The following RGS7 variants were observed in gnomAD, a reference collection of about 807,000 sequenced individuals.
RGS7 encodes regulator of G protein signaling 7.
Under a neutral mutation model 81.1 loss-of-function variants are expected in RGS7, and 27 were observed. The observed-to-expected ratio is 0.33, with a 90% CI of 0.25 to 0.46. The LOEUF (loss-of-function observed/expected upper bound fraction) is 0.46, where lower values mean the gene tolerates loss of function less well. Ranked by LOEUF, RGS7 falls within the 20% of genes least tolerant of loss-of-function variation. RGS7 has a pLI of 1.00. For missense variants in RGS7, 396 were observed against 607.4 expected (o/e 0.65, Z 3.66); for synonymous variants, 208 against 207.7 (o/e 1.00, Z -0.01).
intron 3 of RGS7, among the ~76,000 whole-genome samples, chr1:241,086,461 C>T (rs564119996): frequency 1.3e-5 from 2 of 152,072 alleles, no homozygotes; most frequent in African/African-American, 2.4e-5. Flanking sequence ...GAAGTCCTTC[C>T]TATGTCCTGA....
At position 241,046,854 on chromosome 1, in the gene RGS7, T is replaced by C. The variant is rs905183513; in HGVS notation, c.175+51812A>G. Among the ~76,000 whole-genome samples the C allele has an allele frequency of 3.3e-5, 5 of 152,126 alleles. No individual in the cohort carries two copies. The East Asian group carries it at 9.7e-4, about 29-fold the overall frequency. The stretch of plus-strand genomic sequence containing the variant: ...TTCTTCAATCTGGCAATTTCCTATA[T>C]ATGAAATGTACACCAGCCAGTAGTG... On this transcript the variant is annotated intron_variant, in intron 3 of 18. Coordinates refer to ENST00000440928, the MANE Select transcript of RGS7 (RefSeq NM_001364886.1).
chr1:240,974,389 A>T (rs886433800), intron 4 of RGS7, among the ~76,000 whole-genome samples: 1 of 152,192 alleles, frequency 6.6e-6, no homozygotes, highest in Non-Finnish European at 1.5e-5. Context: ...ACGTTCTCAC[A>T]TCCATTTAAG....
At chr1:241,234,855 TA>T (rs549677236) in intron 2 of RGS7, among the ~76,000 whole-genome samples, 288 of 143,744 alleles carry the variant, frequency 2.0e-3, no homozygotes, top group East Asian at 0.017. Flanking sequence ...TAGCAAAAGT[TA>T]AAAAAAAAAA....
chr1:240,858,129 T>C (rs1024590076), intron 9 of RGS7, among the ~76,000 whole-genome samples: 3 of 152,222 alleles, frequency 2.0e-5, no homozygotes, highest in African/African-American at 7.2e-5. Flanking sequence ...TGTATGAATA[T>C]ACCATAGTTA....
intron 2 of RGS7, among the ~76,000 whole-genome samples, chr1:241,110,315 A>G (rs1394936202): frequency 1.3e-5 from 2 of 152,184 alleles, no homozygotes; most frequent in African/African-American, 4.8e-5. Flanking sequence ...CTGACAGATG[A>G]AAGGCTTCTC....
In RGS7 at chr1:241,144,898, G is replaced by T. The variant is rs1188948166; in HGVS notation, c.79-46136C>A. Among the ~76,000 whole-genome samples the T allele has an allele frequency of 6.7e-6, 1 of 148,916 alleles. No homozygotes were observed. The highest frequency in any genetic ancestry group is 2.6e-5 in the African/African-American group (1 of 38,750). On this transcript the variant is annotated intron_variant, in intron 2 of 18. Coordinates refer to ENST00000440928, the MANE Select transcript of RGS7 (RefSeq NM_001364886.1). This position sits in a 1 kb window ranked among gnomAD's most constrained non-coding sequence, Gnocchi z 4.7. ...AACGTCCCAAAGGAACAACTGATGT[G>T]AGTCAGTATGTGTTGGCAGGGCAGG...
intron 2 of RGS7, among the ~76,000 whole-genome samples, chr1:241,113,331 G>A (rs1572744126): frequency 6.6e-6 from 1 of 152,166 alleles, no homozygotes; most frequent in Non-Finnish European, 1.5e-5. Context: ...GGTCATGGCA[G>A]TGATGTTGAA....
chr1:241,061,645 T>C (rs2061743270), intron 3 of RGS7, among the ~76,000 whole-genome samples: 1 of 150,950 alleles, frequency 6.6e-6, no homozygotes, highest in Non-Finnish European at 1.5e-5. Context: ...CAGGGGAGAG[T>C]AGGGAACAGG....
At chr1:240,782,061 A>G (rs1204259985) in intron 18 of RGS7, among the ~76,000 whole-genome samples, 1 of 152,030 alleles carries the variant, frequency 6.6e-6, no homozygotes, top group African/African-American at 2.4e-5. Context: ...GTCAAAGCAG[A>G]CAGCATGGAT....
At chr1:241,310,462 AGTGT>A (rs375855618) in intron 2 of RGS7, among the ~76,000 whole-genome samples, 4 of 97,356 alleles carry the variant, frequency 4.1e-5, no homozygotes, top group East Asian at 4.7e-4. Context: ...TGTGTGTGAG[AGTGT>A]GTGTGTCTGT....
intron 10 of RGS7, among the ~76,000 whole-genome samples, chr1:240,820,032 G>A (rs955091386): frequency 2.0e-5 from 3 of 152,122 alleles, no homozygotes; most frequent in Non-Finnish European, 4.4e-5. Flanking sequence ...GGACAAAGGA[G>A]GCAAAGAGAT....
At chr1:240,823,142 C>G (rs1007251081) in intron 10 of RGS7, 1 of 1,165,928 alleles carries the variant, frequency 8.6e-7, no homozygotes, top group Admixed American at 1.7e-5. Context: ...CCAACAATGG[C>G]CACATTGGGG....
chr1:240,936,364 G>A (rs116308653), intron 5 of RGS7, among the ~76,000 whole-genome samples: 291 of 152,316 alleles, frequency 1.9e-3, no homozygotes, highest in African/African-American at 6.7e-3. Context: ...ATATAAAATA[G>A]AAATTCAATC....
chr1:241,226,898 T>C (rs1418048253), intron 2 of RGS7, among the ~76,000 whole-genome samples: 1 of 152,210 alleles, frequency 6.6e-6, no homozygotes, highest in Non-Finnish European at 1.5e-5. Context: ...TAATTGAAAA[T>C]AGGTACTCCC....
At chr1:241,120,995 A>T (rs1333202069) in intron 2 of RGS7, among the ~76,000 whole-genome samples, 2 of 152,154 alleles carry the variant, frequency 1.3e-5, no homozygotes, top group Admixed American at 1.3e-4. Context: ...CCCAGAAGAA[A>T]GCTTTGCTCC....
At position 241,185,457 on chromosome 1, in the gene RGS7, G is replaced by T. The variant is rs573308980; in HGVS notation, c.79-86695C>A. The stretch of plus-strand genomic sequence containing the variant: ...ATAGAACAAATAAAAAATAGGTAAG[G>T]ATATAGAAGACATGAACAACAGTAC... On this transcript the variant is annotated intron_variant, in intron 2 of 18. Transcript: ENST00000440928. 7.2e-5 allele frequency among the ~76,000 whole-genome samples: 11 copies of T among 152,196 alleles called. No homozygotes were observed. In the South Asian group the frequency reaches 2.3e-3, roughly 32 times the overall value.
At chr1:241,274,072 T>A (rs2078064051) in intron 2 of RGS7, among the ~76,000 whole-genome samples, 1 of 152,224 alleles carries the variant, frequency 6.6e-6, no homozygotes, top group African/African-American at 2.4e-5. Flanking sequence ...GGAAATTAGT[T>A]AATTGTCTCT....
chr1:241,302,727 A>C (rs1420390413), intron 2 of RGS7, among the ~76,000 whole-genome samples: 1 of 152,178 alleles, frequency 6.6e-6, no homozygotes, highest in African/African-American at 2.4e-5. Context: ...CAGTCTCAAA[A>C]TTACTGATTC....
chr1:240,890,332 T>C (rs566198648), intron 6 of RGS7, among the ~76,000 whole-genome samples: 9 of 152,224 alleles, frequency 5.9e-5, no homozygotes, highest in Non-Finnish European at 1.3e-4. Context: ...TTTGTGTTTT[T>C]AGTAGAGATG....
Sources: allele counts gnomAD v4.1 joint callset (sites outside exome capture counted in the v4.1 genomes callset), GRCh38; gene constraint gnomAD v4.1.1; non-coding constraint Gnocchi (gnomAD v3.1); transcripts MANE v1.5; gene names NCBI Gene and HGNC (gene_info 2026-07-23, HGNC 2026-07-21).